Variants in RAP1GDS1 observed in about 807,000 individuals in gnomAD.
RAP1GDS1 encodes RAP1, GTP-GDP dissociation stimulator 1.
In RAP1GDS1, 35 loss-of-function variants were observed where a neutral mutation model predicts 71.1. That is an observed-to-expected ratio of 0.49 (90% CI 0.38 to 0.65). RAP1GDS1 has a LOEUF of 0.65. RAP1GDS1 is among the 30% of genes least tolerant of loss of function. The pLI, the probability that RAP1GDS1 is intolerant of heterozygous loss-of-function variation, is 0.00. For synonymous variants in RAP1GDS1, 229 were observed against 243.1 expected (o/e 0.94, Z 0.54); for missense variants, 663 against 706.1 (o/e 0.94, Z 0.69).
At position 98,388,172 on chromosome 4, in the gene RAP1GDS1, A is replaced by G. The variant is rs1237717766; in HGVS notation, c.509-3780A>G. 2.6e-5 allele frequency among the ~76,000 whole-genome samples: 4 copies of G among 152,210 alleles called. No homozygotes were observed. The South Asian group carries it at 6.2e-4, about 24-fold the overall frequency. On this transcript the variant is annotated intron_variant, in intron 5 of 14. Coordinates refer to ENST00000408927, the MANE Select transcript of RAP1GDS1 (RefSeq NM_001100427.2). ...CAGCACCGCCACCTACTGAATTGTAACATCTACATAGTAACTGAAATAGGT... is the reference window on the plus strand; with the variant it reads ...CAGCACCGCCACCTACTGAATTGTAGCATCTACATAGTAACTGAAATAGGT...
chr4:98,283,945 A>G (rs1725601871), intron 1 of RAP1GDS1, among the ~76,000 whole-genome samples: 1 of 152,024 alleles, frequency 6.6e-6, no homozygotes, highest in African/African-American at 2.4e-5. Context: ...AAAGGAAGGT[A>G]CAGACAGTCC....
intron 9 of RAP1GDS1, 73 bp from the exon 10 acceptor site, chr4:98,418,584 C>T (rs1748343786): frequency 1.5e-6 from 2 of 1,295,208 alleles, no homozygotes; most frequent in Admixed American, 2.7e-5. Context: ...TAGATAATAG[C>T]CAGACATCAG....
intron 1 of RAP1GDS1, among the ~76,000 whole-genome samples, chr4:98,263,592 A>G (rs1319995402): frequency 6.6e-6 from 1 of 152,176 alleles, no homozygotes. Context: ...CATATAATAA[A>G]GTTGTTTATG....
rs759363764 is a variant in RAP1GDS1 at position 98,418,700 on chromosome 4, A to C, written c.1083A>C (p.Lys361Asn). The C allele has an allele frequency of 6.2e-7, 1 of 1,611,700 alleles. No individual in the cohort carries two copies. Among genetic ancestry groups the C allele is most frequent in the Non-Finnish European group, 8.5e-7 (1 of 1,179,050 alleles). The change falls in exon 10 of 15, where the codon AAA (lysine) becomes AAC (asparagine). Residue 361 changes from lysine (K) to asparagine (N), a missense_variant. Transcript: ENST00000408927. ...IHMVDNGIVEKLMDLLDRHVE... is the reference protein window; with the variant it reads ...IHMVDNGIVENLMDLLDRHVE... ...TGGTAGACAATGGGATTGTAGAAAAACTTATGGATTTACTGGACAGACATG... is the reference window on the plus strand; with the variant it reads ...TGGTAGACAATGGGATTGTAGAAAACCTTATGGATTTACTGGACAGACATG...
intron 7 of RAP1GDS1, among the ~76,000 whole-genome samples, chr4:98,414,533 C>T (rs1256439942): frequency 2.3e-4 from 34 of 150,634 alleles, no homozygotes; most frequent in East Asian, 3.9e-4. Flanking sequence ...TGTAGATATG[C>T]GGCATTATTT....
chr4:98,349,835 T>C (rs1560882853), intron 3 of RAP1GDS1, among the ~76,000 whole-genome samples: 1 of 151,754 alleles, frequency 6.6e-6, no homozygotes, highest in East Asian at 1.9e-4. Context: ...TAAACATCCC[T>C]GTTTTTTTTT....
intron 14 of RAP1GDS1, chr4:98,441,431 A>C (rs772036875): frequency 5.1e-6 from 5 of 985,288 alleles, no homozygotes; most frequent in Non-Finnish European, 6.0e-6. Flanking sequence ...TTTTGCCACA[A>C]AATTAATTTG....
intron 2 of RAP1GDS1, among the ~76,000 whole-genome samples, chr4:98,297,857 G>A (rs1238417161): frequency 2.0e-5 from 3 of 152,180 alleles, no homozygotes; most frequent in Non-Finnish European, 4.4e-5. Flanking sequence ...TGTCGAAAGC[G>A]GAGGCAGGTT....
chr4:98,407,542 G>A (rs955207557), intron 7 of RAP1GDS1, among the ~76,000 whole-genome samples: 3 of 151,916 alleles, frequency 2.0e-5, no homozygotes, highest in African/African-American at 7.3e-5. Context: ...GTCTTTTGCA[G>A]CAACTTAAAT....
chr4:98,265,881 C>G (rs1722658473), intron 1 of RAP1GDS1, among the ~76,000 whole-genome samples: 1 of 151,960 alleles, frequency 6.6e-6, no homozygotes, highest in South Asian at 2.1e-4. Flanking sequence ...GGATATTACC[C>G]AGTATATTTT....
At chr4:98,441,637 C>T (rs746828856) in intron 14 of RAP1GDS1, 56 of 979,436 alleles carry the variant, frequency 5.7e-5, no homozygotes, top group Non-Finnish European at 6.8e-5. Context: ...TGCAGTGGCT[C>T]ATGACTGTCA....
At chr4:98,270,139 TC>T (rs917450657) in intron 1 of RAP1GDS1, among the ~76,000 whole-genome samples, 5 of 152,012 alleles carry the variant, frequency 3.3e-5, no homozygotes, top group Admixed American at 2.0e-4. Context: ...AAAGAGAAAA[TC>T]CACTCTGGTA....
intron 1 of RAP1GDS1, among the ~76,000 whole-genome samples, chr4:98,281,248 A>G (rs1300853326): frequency 4.6e-5 from 7 of 152,112 alleles, no homozygotes; most frequent in Non-Finnish European, 1.0e-4. Flanking sequence ...CCATGAGCAT[A>G]GAATGTTCTT....
intron 2 of RAP1GDS1, among the ~76,000 whole-genome samples, chr4:98,326,166 T>C (rs998525318): frequency 6.6e-6 from 1 of 152,212 alleles, no homozygotes; most frequent in Admixed American, 6.5e-5. Context: ...GAATAGAACT[T>C]AATTCTTCCC....
chr4:98,334,624 A>G (rs1423658494), intron 2 of RAP1GDS1, among the ~76,000 whole-genome samples: 2 of 152,144 alleles, frequency 1.3e-5, no homozygotes, highest in African/African-American at 2.4e-5. Context: ...AAGACTTTCA[A>G]GTGTTTGATC....
At chr4:98,308,296 A>AATATATATATATATATAT (rs1729667126) in intron 2 of RAP1GDS1, among the ~76,000 whole-genome samples, 2 of 54,680 alleles carry the variant, frequency 3.7e-5, no homozygotes, top group African/African-American at 1.1e-4. Context: ...ACACACACAC[A>AATATATATATATATATAT]CTATATATAT....
At chr4:98,385,600 A>G (rs1375451108) in intron 5 of RAP1GDS1, among the ~76,000 whole-genome samples, 1 of 151,906 alleles carries the variant, frequency 6.6e-6, no homozygotes, top group Non-Finnish European at 1.5e-5. Flanking sequence ...TTTTTTAACT[A>G]TAAGTAAAAT....
intron 5 of RAP1GDS1, among the ~76,000 whole-genome samples, chr4:98,391,543 A>G (rs190050233): frequency 2.4e-4 from 36 of 152,162 alleles, no homozygotes; most frequent in Admixed American, 1.6e-3. Flanking sequence ...GGTCTTCATT[A>G]AACTTGCTAC....
intron 2 of RAP1GDS1, among the ~76,000 whole-genome samples, chr4:98,296,177 A>T (rs1727721113): frequency 6.6e-6 from 1 of 152,094 alleles, no homozygotes; most frequent in Non-Finnish European, 1.5e-5. Flanking sequence ...ATTCTGTACA[A>T]ATATAAGATG....
Sources: allele counts gnomAD v4.1 joint callset (sites outside exome capture counted in the v4.1 genomes callset), GRCh38; gene constraint gnomAD v4.1.1; transcripts MANE v1.5; gene names NCBI Gene and HGNC (gene_info 2026-07-23, HGNC 2026-07-21).